VPS50: variants seen among roughly 807,000 people sequenced by gnomAD.
The protein encoded by VPS50 is syndetin.
A neutral mutation model predicts 139.7 loss-of-function variants in VPS50; 70 were observed. That is an observed-to-expected ratio of 0.50 (90% CI 0.41 to 0.61). The LOEUF (loss-of-function observed/expected upper bound fraction) is 0.61, where lower values mean the gene tolerates loss of function less well. Among genes scored for constraint, VPS50 ranks in the 20% least tolerant of loss-of-function variants. The pLI is 0.00. For missense variants in VPS50, 921 were observed against 1,133.7 expected (o/e 0.81, Z 2.69); for synonymous variants, 365 against 376.7 (o/e 0.97, Z 0.36).
intron 12 of VPS50, among the ~76,000 whole-genome samples, chr7:93,278,088 G>A (rs765033231): frequency 5.9e-5 from 9 of 152,052 alleles, no homozygotes; most frequent in Non-Finnish European, 1.3e-4. Flanking sequence ...TGTTGTGTGT[G>A]TTTGTGTATG....
At chr7:93,248,293 A>G (rs1177165003) in intron 2 of VPS50, among the ~76,000 whole-genome samples, 1 of 151,836 alleles carries the variant, frequency 6.6e-6, no homozygotes, top group Admixed American at 6.6e-5. Context: ...TTTATAGGAA[A>G]CTTTTTGTTC....
At chr7:93,341,369 A>C (rs1798204538) in intron 22 of VPS50, 58 bp from the exon 23 acceptor site, 20 of 1,169,144 alleles carry the variant, frequency 1.7e-5, no homozygotes, top group Non-Finnish European at 2.3e-5. Flanking sequence ...TGTCAAAATC[A>C]CGTGGTTTAT....
chr7:93,349,625 G>C (rs1294591852), intron 24 of VPS50, among the ~76,000 whole-genome samples: 1 of 152,190 alleles, frequency 6.6e-6, no homozygotes, highest in African/African-American at 2.4e-5. Context: ...TAGGCTACAT[G>C]AAGAGCTCTA....
At chr7:93,240,807 C>G (rs146534514) in intron 2 of VPS50, among the ~76,000 whole-genome samples, 148 of 152,260 alleles carry the variant, frequency 9.7e-4, no homozygotes, top group African/African-American at 3.4e-3. Flanking sequence ...GATGATTTCT[C>G]ATCTCTTTCA....
intron 12 of VPS50, chr7:93,276,564 A>G (rs1049364039): frequency 7.3e-6 from 3 of 410,826 alleles, no homozygotes; most frequent in African/African-American, 2.0e-5. Context: ...TCTTTTACCC[A>G]TCTCTCTCAG....
intron 19 of VPS50, 129 bp from the exon 20 acceptor site, chr7:93,311,037 A>G (rs974133778): frequency 4.7e-6 from 3 of 633,282 alleles, no homozygotes; most frequent in Non-Finnish European, 2.8e-6. Flanking sequence ...TAATTTCTAT[A>G]TCTTTACCTA....
At chr7:93,342,200 C>T (rs1378830845) in intron 23 of VPS50, among the ~76,000 whole-genome samples, 1 of 152,202 alleles carries the variant, frequency 6.6e-6, no homozygotes, top group African/African-American at 2.4e-5. Context: ...CTTTCCTAGT[C>T]AAAGAAAGTG....
intron 12 of VPS50, among the ~76,000 whole-genome samples, chr7:93,278,949 G>T (rs1796244356): frequency 6.6e-6 from 1 of 152,030 alleles, no homozygotes; most frequent in South Asian, 2.1e-4. Flanking sequence ...ATTTATTCAA[G>T]CTGTGCTAAA....
In VPS50 at chr7:93,253,846, A is replaced by AT. The variant is rs760450726; in HGVS notation, c.226-7dup. The AT allele has an allele frequency of 2.0e-5, 31 of 1,523,082 alleles. No homozygotes were observed. Among genetic ancestry groups the AT allele is most frequent in the East Asian group, 9.0e-5 (4 of 44,324 alleles). The allele number at this position is 1,523,082 out of a possible 1,614,324, so 94.3% of individuals were successfully genotyped here. ...TTTATTTTTTCCTCTTCTTTCATGA[A>AT]TTTTTTTCTGTAGAAGCTTCCACCT... On this transcript the variant is annotated splice_polypyrimidine_tract_variant and intron_variant, in intron 3 of 27. Transcript: ENST00000305866.
intron 2 of VPS50, among the ~76,000 whole-genome samples, 174 bp downstream of exon 2, chr7:93,240,108 G>A (rs1329326015): frequency 6.6e-6 from 1 of 151,674 alleles, no homozygotes; most frequent in African/African-American, 2.4e-5. Context: ...TTACACGTTG[G>A]GATGCAGTAT....
At chr7:93,266,753 G>T (rs1223442928) in intron 9 of VPS50, among the ~76,000 whole-genome samples, 1 of 152,062 alleles carries the variant, frequency 6.6e-6, no homozygotes. Flanking sequence ...TTAATTAATT[G>T]ATCAAAATGG....
At chr7:93,354,751 T>G (rs1212017562) in intron 26 of VPS50, among the ~76,000 whole-genome samples, 4 of 152,176 alleles carry the variant, frequency 2.6e-5, no homozygotes, top group Non-Finnish European at 5.9e-5. Context: ...GAGACCATGC[T>G]TACTCTGCCC....
intron 10 of VPS50, among the ~76,000 whole-genome samples, chr7:93,271,840 G>T (rs1043902659): frequency 6.6e-6 from 1 of 151,612 alleles, no homozygotes; most frequent in African/African-American, 2.4e-5. Context: ...TTTGTATTTG[G>T]TTTCTTCTAG....
rs1173002750 is a variant in VPS50, at chr7:93,246,166, A to G, written c.102+6232A>G. 7 of 1,295,086 alleles carry G rather than the reference A, an allele frequency of 5.4e-6. No individual in the cohort carries two copies. The Admixed American group carries it at 8.1e-5, about 15-fold the overall frequency. The allele number at this position is 1,295,086 out of a possible 1,614,324, so 80.2% of individuals were successfully genotyped here. A position where few individuals can be genotyped will look rare whatever the true frequency, so the allele number is the denominator to read the frequency against. On this transcript the variant is annotated intron_variant, in intron 2 of 27. Coordinates refer to ENST00000305866, the MANE Select transcript of VPS50 (RefSeq NM_017667.4). ...GCTTCCGTTTTCCCTATAACAGAAT[A>G]GATTTTTTATGTTGACGAATGAAGA...
chr7:93,256,411 A>T, intron 4 of VPS50, 98 bp from the exon 5 acceptor site: 1 of 567,166 alleles, frequency 1.8e-6, no homozygotes, highest in Non-Finnish European at 3.0e-6. Context: ...TATTGGGGAG[A>T]TCTATGGAAT....
chr7:93,279,828 G>T (rs1028494212), intron 12 of VPS50, among the ~76,000 whole-genome samples: 5 of 152,158 alleles, frequency 3.3e-5, no homozygotes, highest in African/African-American at 1.2e-4. Flanking sequence ...AGAGTAAGAG[G>T]CAGATTTGAG....
At position 93,355,901 on chromosome 7, in the gene VPS50, G is replaced by T. The variant is rs749260860; in HGVS notation, c.2596G>T (p.Val866Phe). 6.4e-7 allele frequency: 1 copy of T among 1,566,122 alleles called. No homozygotes were observed. Among genetic ancestry groups the T allele is most frequent in the African/African-American group, 1.4e-5 (1 of 73,670 alleles). Residue 866 changes from valine (V) to phenylalanine (F), a missense_variant, in exon 27 of 28, where the codon GTC becomes TTC. This residue lies in a region of VPS50 where 158 missense variants were observed against 156.3 expected (regional missense o/e 1.01). Coordinates refer to ENST00000305866, the MANE Select transcript of VPS50 (RefSeq NM_017667.4). Reference sequence around the variant, plus strand: ...TGTTTTGCATCTTAGATATGCCAATGTCAAGAAATGCAGTAATGAGGGTCG... The same window carrying T: ...TGTTTTGCATCTTAGATATGCCAATTTCAAGAAATGCAGTAATGAGGGTCG... ...NRTIVEGYAN[V>F]KKCSNEGRAL... is the part of the protein sequence containing the mutation.
At chr7:93,282,529 T>C (rs1796360762) in intron 12 of VPS50, among the ~76,000 whole-genome samples, 1 of 152,226 alleles carries the variant, frequency 6.6e-6, no homozygotes, top group Admixed American at 6.5e-5. Context: ...TATTTCAATT[T>C]ACACTCCTGA....
chr7:93,299,596 G>GATA (rs1290841271), intron 16 of VPS50, among the ~76,000 whole-genome samples: 1 of 152,024 alleles, frequency 6.6e-6, no homozygotes, highest in Admixed American at 6.6e-5. Flanking sequence ...AATTTATAGG[G>GATA]ATAATAAAAA....
Sources: allele counts gnomAD v4.1 joint callset (sites outside exome capture counted in the v4.1 genomes callset), GRCh38; gene constraint gnomAD v4.1.1; regional missense constraint gnomAD v4.1.1; transcripts MANE v1.5; gene names NCBI Gene and HGNC (gene_info 2026-07-23, HGNC 2026-07-21).